Variants in KIRREL3 observed in about 807,000 individuals in gnomAD.
KIRREL3 encodes the protein kin of IRRE-like protein 3.
Under a neutral mutation model 89.7 loss-of-function variants are expected in KIRREL3, and 36 were observed. That is an observed-to-expected ratio of 0.40 (90% CI 0.31 to 0.53). KIRREL3 has a LOEUF of 0.53. Among genes scored for constraint, KIRREL3 ranks in the 20% least tolerant of loss-of-function variants. The pLI, the probability that KIRREL3 is intolerant of heterozygous loss-of-function variation, is 0.49. For synonymous variants in KIRREL3, 445 were observed against 441.4 expected (o/e 1.01, Z -0.10); for missense variants, 864 against 1,056.6 (o/e 0.82, Z 2.53).
chr11:126,525,051 A>ACTGGTT lies in KIRREL3; in HGVS notation c.283+1486_283+1487insAACCAG, dbSNP rs1423418338. ...CAGAGGCCATTGTTCTGCAGCCCTAAGCAGGTACCAGTCCTGGATCCCAGA... is the reference window on the plus strand; with the variant it reads ...CAGAGGCCATTGTTCTGCAGCCCTAACTGGTTGCAGGTACCAGTCCTGGATCCCAGA... On this transcript the variant is annotated intron_variant, in intron 3 of 16. Transcript: ENST00000525144. The surrounding 1 kb of genome is among the most constrained non-coding windows in gnomAD (Gnocchi z 5.4). 6.6e-6 allele frequency among the ~76,000 whole-genome samples: 1 copy of ACTGGTT among 152,180 alleles called. No individual in the cohort carries two copies. Among genetic ancestry groups the ACTGGTT allele is most frequent in the Non-Finnish European group, 1.5e-5 (1 of 68,022 alleles).
intron 1 of KIRREL3, among the ~76,000 whole-genome samples, chr11:126,949,404 C>G (rs116732918): frequency 6.6e-6 from 1 of 152,168 alleles, no homozygotes; most frequent in Non-Finnish European, 1.5e-5. Context: ...TTTGGACCCT[C>G]GCATCCTTTC....
Position 126,519,659 on chromosome 11 carries a change from G to A in KIRREL3, c.433+1656C>T, listed in dbSNP as rs113491675. On this transcript the variant is annotated intron_variant, in intron 4 of 16. Transcript: ENST00000525144. The surrounding 1 kb of genome is among the most constrained non-coding windows in gnomAD (Gnocchi z 4.3). ...GGCCCCTCTAGAAGGTGTATGAGTCGGTAGAGGCAGATTCTTCTGAGGATG... is the reference window on the plus strand; with the variant it reads ...GGCCCCTCTAGAAGGTGTATGAGTCAGTAGAGGCAGATTCTTCTGAGGATG... Among the ~76,000 whole-genome samples, 82 of 152,236 alleles carry A rather than the reference G, an allele frequency of 5.4e-4. 5 individuals carry two copies. The highest frequency in any genetic ancestry group is 3.9e-4 in the Admixed American group (6 of 15,296).
In KIRREL3 at chr11:126,655,698, T is replaced by C. The variant is rs1411734685; in HGVS notation, c.56-92786A>G. ...GCTTATGAAGGCTGTGTCTCAAGCA[T>C]TTCAGGGGGCTGCAGATTTAGGGGG... On this transcript the variant is annotated intron_variant, in intron 1 of 16. Coordinates refer to ENST00000525144, the MANE Select transcript of KIRREL3 (RefSeq NM_032531.4). This position sits in a 1 kb window ranked among gnomAD's most constrained non-coding sequence, Gnocchi z 5.0. Among the ~76,000 whole-genome samples, 1 of 152,106 alleles carries C rather than the reference T, an allele frequency of 6.6e-6. No homozygotes were observed. The highest frequency in any genetic ancestry group is 1.5e-5 in the Non-Finnish European group (1 of 68,018).
chr11:126,463,053 T>C lies in KIRREL3; in HGVS notation c.742+104A>G. On this transcript the variant is annotated intron_variant, in intron 6 of 16. Transcript: ENST00000525144. This position sits in a 1 kb window ranked among gnomAD's most constrained non-coding sequence, Gnocchi z 5.9. ...AAGCTGGCCAATCCACAGAGCTGCC[T>C]GACCCATTTCCTGCTATCAGATGGG... 8.8e-7 allele frequency: 1 copy of C among 1,138,896 alleles called. No homozygotes were observed. Among genetic ancestry groups the C allele is most frequent in the Non-Finnish European group, 1.3e-6 (1 of 783,562 alleles). The allele number at this position is 1,138,896 out of a possible 1,614,324, so 70.5% of individuals were successfully genotyped here.
In KIRREL3 at chr11:126,717,584, C is replaced by T. The variant is rs1948015126; in HGVS notation, c.56-154672G>A. ...TGTCACCACACACCTTGTCCTCCAT[C>T]CTCACTCATCTCTGTCCTCCTGCTG... On this transcript the variant is annotated intron_variant, in intron 1 of 16. Coordinates refer to ENST00000525144, the MANE Select transcript of KIRREL3 (RefSeq NM_032531.4). 3.3e-5 allele frequency among the ~76,000 whole-genome samples: 5 copies of T among 152,342 alleles called. No individual in the cohort carries two copies. The South Asian group carries it at 1.0e-3, about 32-fold the overall frequency.
intron 1 of KIRREL3, among the ~76,000 whole-genome samples, chr11:126,980,391 T>C (rs2135244511): frequency 6.6e-6 from 1 of 152,054 alleles, no homozygotes; most frequent in South Asian, 2.1e-4. Context: ...AGGATGGAGG[T>C]GTCAGATACC....
intron 1 of KIRREL3, among the ~76,000 whole-genome samples, chr11:126,743,268 A>G (rs973478766): frequency 6.6e-6 from 1 of 152,158 alleles, no homozygotes; most frequent in Non-Finnish European, 1.5e-5. Flanking sequence ...CAGTTTCCCT[A>G]TTTATAGAAC....
intron 1 of KIRREL3, among the ~76,000 whole-genome samples, chr11:126,951,831 G>A (rs1180936947): frequency 6.6e-6 from 1 of 152,214 alleles, no homozygotes; most frequent in Non-Finnish European, 1.5e-5. Flanking sequence ...GTCCTGCAAA[G>A]AGGCAGATGA....
rs2134958952 is a variant in KIRREL3, at chr11:126,918,653, A to G, written c.55+81802T>C. On this transcript the variant is annotated intron_variant, in intron 1 of 16. Transcript: ENST00000525144. The surrounding 1 kb of genome is among the most constrained non-coding windows in gnomAD (Gnocchi z 6.5). ...TTATAATCTAAGAAAGGGATTGCAA[A>G]TACATAGAAAGGCTATTCCATTCTT... Among the ~76,000 whole-genome samples the G allele has an allele frequency of 6.6e-6, 1 of 152,360 alleles. No homozygotes were observed. Among genetic ancestry groups the G allele is most frequent in the Admixed American group, 6.5e-5 (1 of 15,308 alleles).
intron 1 of KIRREL3, among the ~76,000 whole-genome samples, chr11:126,982,680 C>G (rs903999395): frequency 6.6e-6 from 1 of 152,192 alleles, no homozygotes; most frequent in Non-Finnish European, 1.5e-5. Context: ...AGATCCTCAG[C>G]CAAATGCTAG....
Position 126,446,769 on chromosome 11 carries a change from C to T in KIRREL3, c.1115G>A (p.Gly372Asp), listed in dbSNP as rs781620884. The change falls in exon 9 of 17, where the codon GGC (glycine) becomes GAC (aspartate). Residue 372 changes from glycine to aspartate, a missense_variant. Transcript: ENST00000525144. ...GAGCTGCAGCCTCACCACTCCGGAG[C>T]CCCGCTTCATCCAGACGATGGTCAG... ...PSLTIVWMKR[G>D]SGVVLSNEKT... 10 of 1,600,478 alleles carry T rather than the reference C, an allele frequency of 6.2e-6. No individual in the cohort carries two copies. Among genetic ancestry groups the T allele is most frequent in the Non-Finnish European group, 7.7e-6 (9 of 1,173,868 alleles).
At chr11:126,753,988 G>T (rs1161169777) in intron 1 of KIRREL3, among the ~76,000 whole-genome samples, 1 of 152,208 alleles carries the variant, frequency 6.6e-6, no homozygotes. Context: ...ACTGGGAAAT[G>T]AGGGGAATAG....
At position 126,708,755 on chromosome 11, in the gene KIRREL3, G is replaced by A. The variant is rs939433793; in HGVS notation, c.56-145843C>T. Among the ~76,000 whole-genome samples the A allele has an allele frequency of 6.6e-6, 1 of 152,160 alleles. No individual in the cohort carries two copies. Among genetic ancestry groups the A allele is most frequent in the Non-Finnish European group, 1.5e-5 (1 of 68,034 alleles). On this transcript the variant is annotated intron_variant, in intron 1 of 16. Coordinates refer to ENST00000525144, the MANE Select transcript of KIRREL3 (RefSeq NM_032531.4). This position sits in a 1 kb window ranked among gnomAD's most constrained non-coding sequence, Gnocchi z 5.7. ...GCACATTCAGCATGATCTCTGAGGA[G>A]TTCACTAGCTTTCCTCCCTCCGCTC...
chr11:126,992,174 C>T (rs923280327), intron 1 of KIRREL3, among the ~76,000 whole-genome samples: 2 of 152,230 alleles, frequency 1.3e-5, no homozygotes, highest in African/African-American at 4.8e-5. Context: ...AAATAGAATG[C>T]ATCACCTACT....
intron 1 of KIRREL3, among the ~76,000 whole-genome samples, chr11:126,726,599 C>T (rs184097580): frequency 1.3e-3 from 200 of 152,228 alleles, no homozygotes; most frequent in South Asian, 0.011. Flanking sequence ...AACTCCTGAC[C>T]TCAAGTGATC....
In KIRREL3 at chr11:126,496,296, C is replaced by T. The variant is rs117794987; in HGVS notation, c.434-22830G>A. Among the ~76,000 whole-genome samples, 141 of 152,340 alleles carry T rather than the reference C, an allele frequency of 9.3e-4. 1 individual carries two copies. In the South Asian group the frequency reaches 9.3e-3, roughly 10 times the overall value. Reference sequence around the variant, plus strand: ...TTGCAAAATGCTTTCTATACACGTTCATCTTTCTCTTTACCAGAACCCTGA... The same window carrying T: ...TTGCAAAATGCTTTCTATACACGTTTATCTTTCTCTTTACCAGAACCCTGA... On this transcript the variant is annotated intron_variant, in intron 4 of 16. Transcript: ENST00000525144. This position sits in a 1 kb window ranked among gnomAD's most constrained non-coding sequence, Gnocchi z 4.9.
chr11:126,767,766 C>A (rs906571840), intron 1 of KIRREL3, among the ~76,000 whole-genome samples: 4 of 152,176 alleles, frequency 2.6e-5, no homozygotes, highest in South Asian at 2.1e-4. Flanking sequence ...GGGAAACTTG[C>A]CATAAGAACC....
rs569981532 is a variant in KIRREL3 at position 126,857,787 on chromosome 11, GT to G, written c.55+142667del. 1.0e-3 allele frequency among the ~76,000 whole-genome samples: 127 copies of G among 123,386 alleles called. 2 individuals are homozygous for G. In the South Asian group the frequency reaches 0.046, roughly 44 times the overall value. 80.9% of individuals were successfully genotyped at this position (123,386 alleles called of 152,430 possible). A position where few individuals can be genotyped will look rare whatever the true frequency, so the allele number is the denominator to read the frequency against. ...GGAGAAAAGTCTTCAGGCTGTGGGG[GT>G]GGGGTGGGTGAGGCTGGGCCCTCTA... On this transcript the variant is annotated intron_variant, in intron 1 of 16. Transcript: ENST00000525144.
rs991519665 is a variant in KIRREL3, at chr11:126,575,634, A to T, written c.56-12722T>A. On this transcript the variant is annotated intron_variant, in intron 1 of 16. Transcript: ENST00000525144. The surrounding 1 kb of genome is among the most constrained non-coding windows in gnomAD (Gnocchi z 7.0). ...ACTCTAAGATTAGCCTGAGGAATCC[A>T]GTTCTGTAGCTTGAATAGAGACTGC... is the stretch of plus-strand genomic sequence containing the variant. Among the ~76,000 whole-genome samples, 4 of 152,206 alleles carry T rather than the reference A, an allele frequency of 2.6e-5. No individual in the cohort carries two copies. The highest frequency in any genetic ancestry group is 9.6e-5 in the African/African-American group (4 of 41,456).
Sources: allele counts gnomAD v4.1 joint callset (sites outside exome capture counted in the v4.1 genomes callset), GRCh38; gene constraint gnomAD v4.1.1; non-coding constraint Gnocchi (gnomAD v3.1); transcripts MANE v1.5; gene names NCBI Gene and HGNC (gene_info 2026-07-23, HGNC 2026-07-21).